THBS4: variants seen among roughly 807,000 people sequenced by gnomAD.
The protein encoded by THBS4 is thrombospondin-4.
A neutral mutation model predicts 115.7 loss-of-function variants in THBS4; 90 were observed. The observed-to-expected ratio is 0.78, with a 90% CI of 0.66 to 0.93. The LOEUF is 0.93. Ranked by LOEUF, THBS4 falls within the 40% of genes least tolerant of loss-of-function variation. The pLI is 0.00. For synonymous variants in THBS4, 460 were observed against 479.3 expected (o/e 0.96, Z 0.53); for missense variants, 1,087 against 1,232.7 (o/e 0.88, Z 1.77).
In THBS4 at chr5:80,012,586, T is replaced by C. The variant is rs571938196; in HGVS notation, n.177+14159T>C. ...GCAAATTTCAACTAGAGGTTGAAGCTAAGAAGCTTATCAAGACTCAGGGCT... is the reference window on the plus strand; with the variant it reads ...GCAAATTTCAACTAGAGGTTGAAGCCAAGAAGCTTATCAAGACTCAGGGCT... On this transcript the variant is annotated intron_variant and non_coding_transcript_variant, in intron 2 of 3. Coordinates refer to the THBS4 transcript ENST00000510218. Among the ~76,000 whole-genome samples, 37 of 152,286 alleles carry C rather than the reference T, an allele frequency of 2.4e-4. 1 individual carries two copies. In the South Asian group the frequency reaches 7.5e-3, roughly 31 times the overall value.
chr5:80,035,969 C>A lies in THBS4; in HGVS notation c.88+344C>A, dbSNP rs939579034. Reference sequence around the variant, plus strand: ...GGTGTAGGGTGAATTCCGGGTCCTGCACCCTGTGCCGGTTCCCTCCAGGCA... The same window carrying A: ...GGTGTAGGGTGAATTCCGGGTCCTGAACCCTGTGCCGGTTCCCTCCAGGCA... On this transcript the variant is annotated intron_variant, in intron 1 of 21. Coordinates refer to ENST00000350881, the MANE Select transcript of THBS4 (RefSeq NM_003248.6). This position sits in a 1 kb window ranked among gnomAD's most constrained non-coding sequence, Gnocchi z 4.6. 1.1e-5 allele frequency: 11 copies of A among 1,035,038 alleles called. No individual in the cohort carries two copies. Among genetic ancestry groups the A allele is most frequent in the Non-Finnish European group, 1.3e-5 (11 of 862,518 alleles). 64.1% of individuals were successfully genotyped at this position (1,035,038 alleles called of 1,614,324 possible).
chr5:80,038,796 A>G (rs1401824504), intron 1 of THBS4, among the ~76,000 whole-genome samples: 1 of 152,178 alleles, frequency 6.6e-6, no homozygotes, highest in Non-Finnish European at 1.5e-5. Flanking sequence ...CAAGGAGCAC[A>G]TATGTTTTAG....
At chr5:80,013,869 T>C (rs1250274062) in intron 2 of THBS4, among the ~76,000 whole-genome samples, 1 of 152,200 alleles carries the variant, frequency 6.6e-6, no homozygotes, top group Non-Finnish European at 1.5e-5. Flanking sequence ...CACTGATAAA[T>C]GACAGTTCTA....
intron 7 of THBS4, among the ~76,000 whole-genome samples, chr5:80,060,696 C>T (rs556805666): frequency 2.6e-5 from 4 of 152,134 alleles, no homozygotes; most frequent in Admixed American, 6.5e-5. Flanking sequence ...GAGGTTGAGG[C>T]TGCAGTGAGC....
intron 20 of THBS4, 117 bp from the exon 21 acceptor site, chr5:80,082,289 A>C (rs2112180957): frequency 7.1e-7 from 1 of 1,414,232 alleles, no homozygotes; most frequent in South Asian, 1.4e-5. Flanking sequence ...AATGGAGCCT[A>C]AAACAGAGCA....
rs149525939 is a variant in THBS4, at chr5:80,065,370, C to T, written c.1126-39C>T. 1.8e-4 allele frequency: 278 copies of T among 1,554,100 alleles called. No individual in the cohort carries two copies. In the African/African-American group the frequency reaches 3.2e-3, roughly 18 times the overall value. On this transcript the variant is annotated intron_variant, in intron 8 of 21. Coordinates refer to ENST00000350881, the MANE Select transcript of THBS4 (RefSeq NM_003248.6). ...TTTATTTGCATTTCTATTTAAGCAG[C>T]ATGTCTCGCTAAACTTTCTTTGAAC...
chr5:80,079,397 C>G, intron 19 of THBS4, 139 bp downstream of exon 19: 1 of 933,124 alleles, frequency 1.1e-6, no homozygotes, highest in Non-Finnish European at 1.5e-6. Flanking sequence ...TCAGGGAAGA[C>G]TACAGTTGAC....
chr5:80,046,312 G>A (rs1267283109), intron 2 of THBS4, among the ~76,000 whole-genome samples: 1 of 152,226 alleles, frequency 6.6e-6, no homozygotes, highest in East Asian at 1.9e-4. Context: ...AACTATTCAG[G>A]AGCAGATGAA....
intron 1 of THBS4, among the ~76,000 whole-genome samples, chr5:79,992,654 G>A (rs996810445): frequency 5.9e-5 from 9 of 152,168 alleles, no homozygotes; most frequent in African/African-American, 2.2e-4. Flanking sequence ...ACATCATAAG[G>A]TTCTGGAACA....
chr5:80,078,022 C>T (rs1292197957), intron 16 of THBS4, 27 bp from the exon 17 acceptor site: 1 of 1,543,300 alleles, frequency 6.5e-7, no homozygotes, highest in East Asian at 2.3e-5. Flanking sequence ...CGCTATTGAG[C>T]TCCTGTCCTT....
chr5:80,054,019 A>G (rs1448245154), intron 2 of THBS4, among the ~76,000 whole-genome samples: 1 of 152,196 alleles, frequency 6.6e-6, no homozygotes, highest in Admixed American at 6.5e-5. Context: ...AAGGCTGAAA[A>G]CCAGAAGATA....
At chr5:80,020,605 G>A (rs780491938) in intron 2 of THBS4, among the ~76,000 whole-genome samples, 3 of 152,180 alleles carry the variant, frequency 2.0e-5, no homozygotes, top group Non-Finnish European at 2.9e-5. Flanking sequence ...AATGTGGATC[G>A]CTGACCCTGA....
intron 10 of THBS4, among the ~76,000 whole-genome samples, chr5:80,069,486 G>C (rs1409265822): frequency 6.6e-6 from 1 of 152,102 alleles, no homozygotes; most frequent in African/African-American, 2.4e-5. Flanking sequence ...CATTTTCTGT[G>C]AACAAATTGA....
Position 80,075,910 on chromosome 5 carries a change from T to G in THBS4, c.1893-945T>G, listed in dbSNP as rs929927042. ...CTGTCCCCCTGTACCATGTGGTAGG[T>G]GTGGCCCTAGAGCATGGTCTGGTCC... On this transcript the variant is annotated intron_variant, in intron 15 of 21. Transcript: ENST00000350881. 3.3e-5 allele frequency: 5 copies of G among 152,286 alleles called. No individual in the cohort carries two copies. In the East Asian group the frequency reaches 9.6e-4, roughly 29 times the overall value. 9.4% of individuals were successfully genotyped at this position (152,286 alleles called of 1,614,324 possible).
intron 1 of THBS4, among the ~76,000 whole-genome samples, chr5:79,995,403 T>C (rs1831771672): frequency 6.6e-6 from 1 of 152,010 alleles, no homozygotes; most frequent in Admixed American, 6.6e-5. Flanking sequence ...TTGTTAGAAA[T>C]CCAGTGGCAA....
chr5:80,041,364 T>C (rs1294509795), intron 2 of THBS4, among the ~76,000 whole-genome samples: 1 of 152,164 alleles, frequency 6.6e-6, no homozygotes. Context: ...ACACTGGAGA[T>C]TAGGAGTTCA....
upstream of THBS4, chr5:80,033,211 C>T (rs563705262): frequency 4.9e-5 from 22 of 453,558 alleles, no homozygotes; most frequent in African/African-American, 1.0e-4. Flanking sequence ...GGGGATCCTG[C>T]GGCTGATGGG....
chr5:80,055,183 G>A (rs1833382384), intron 2 of THBS4, among the ~76,000 whole-genome samples: 1 of 151,958 alleles, frequency 6.6e-6, no homozygotes, highest in Non-Finnish European at 1.5e-5. Flanking sequence ...TTAGCTGGGT[G>A]TGGTGGCTCA....
upstream of THBS4, among the ~76,000 whole-genome samples, chr5:80,034,319 C>G (rs1322854850): frequency 6.6e-6 from 1 of 152,120 alleles, no homozygotes; most frequent in Admixed American, 6.5e-5. Flanking sequence ...TATTTTAGCA[C>G]AGTTTGGGGA....
Sources: allele counts gnomAD v4.1 joint callset (sites outside exome capture counted in the v4.1 genomes callset), GRCh38; gene constraint gnomAD v4.1.1; non-coding constraint Gnocchi (gnomAD v3.1); transcripts MANE v1.5; gene names NCBI Gene and HGNC (gene_info 2026-07-23, HGNC 2026-07-21).